CERS6: variants seen among roughly 807,000 people sequenced by gnomAD.
The protein encoded by CERS6 is LAG1 homolog, ceramide synthase 6.
In CERS6, 26 loss-of-function variants were observed where a neutral mutation model predicts 56.8. The ratio of observed to expected loss-of-function variants is 0.46; its 90% confidence interval spans 0.34 to 0.63. The LOEUF is 0.63. Ranked by LOEUF, CERS6 falls within the 30% of genes least tolerant of loss-of-function variation. CERS6 has a pLI of 0.01. For synonymous variants in CERS6, 164 were observed against 173.3 expected, an observed-to-expected ratio of 0.95 and a Z score of 0.42; for missense variants, 415 against 467.5, an observed-to-expected ratio of 0.89 and a Z score of 1.04.
At chr2:168,636,352 T>C (rs1003303243) in intron 4 of CERS6, among the ~76,000 whole-genome samples, 5 of 152,202 alleles carry the variant, frequency 3.3e-5, no homozygotes, top group Non-Finnish European at 4.4e-5. Flanking sequence ...TAAGTAACTT[T>C]TTATTAGTAA....
chr2:168,498,889 G>T (rs1381612024), intron 1 of CERS6, among the ~76,000 whole-genome samples: 3 of 152,096 alleles, frequency 2.0e-5, no homozygotes, highest in Non-Finnish European at 4.4e-5. Flanking sequence ...AGTGAGGAGG[G>T]GGTATAATGA....
chr2:168,552,369 CA>C lies in CERS6; in HGVS notation c.276+4669del, dbSNP rs1213356436. Among the ~76,000 whole-genome samples the C allele has an allele frequency of 1.1e-4, 13 of 119,500 alleles. No homozygotes were observed. In the Admixed American group the frequency reaches 1.2e-3, roughly 11 times the overall value. The allele number at this position is 119,500 out of a possible 152,430, so 78.4% of individuals were successfully genotyped here. A position where few individuals can be genotyped will look rare whatever the true frequency, so the allele number is the denominator to read the frequency against. ...GAGTATACACACACACACACACACACACACACACACACACACACACACTACA... is the reference window on the plus strand; with the variant it reads ...GAGTATACACACACACACACACACACCACACACACACACACACACACTACA... On this transcript the variant is annotated intron_variant, in intron 2 of 9. Transcript: ENST00000305747.
chr2:168,553,579 T>C (rs1043121542), intron 2 of CERS6, among the ~76,000 whole-genome samples: 2 of 152,180 alleles, frequency 1.3e-5, no homozygotes. Flanking sequence ...ATTTTATATC[T>C]AGCCAAATTG....
chr2:168,663,784 T>C (rs1208426641), intron 4 of CERS6, among the ~76,000 whole-genome samples: 4 of 152,156 alleles, frequency 2.6e-5, no homozygotes, highest in Admixed American at 2.0e-4. Context: ...AAAAAATCTC[T>C]AAATTTTTCT....
chr2:168,561,387 A>G, intron 3 of CERS6, 65 bp downstream of exon 3: 1 of 1,594,358 alleles, frequency 6.3e-7, no homozygotes, highest in Non-Finnish European at 8.6e-7. Flanking sequence ...TGAGGTGAAA[A>G]ATAAAAGATC....
chr2:168,499,048 T>C (rs561130964), intron 1 of CERS6, among the ~76,000 whole-genome samples: 1 of 152,290 alleles, frequency 6.6e-6, no homozygotes, highest in Non-Finnish European at 1.5e-5. Flanking sequence ...CCCTTTTGGC[T>C]GAGATTTGTC....
intron 8 of CERS6, among the ~76,000 whole-genome samples, chr2:168,750,463 T>C (rs1684231114): frequency 6.6e-6 from 1 of 152,216 alleles, no homozygotes; most frequent in Non-Finnish European, 1.5e-5. Context: ...TTTTATGTGT[T>C]TAAAATTACA....
rs1163359229 is a variant in CERS6, at chr2:168,538,962, G to GTTT, written c.171-8615_171-8613dup. Among the ~76,000 whole-genome samples, 43 of 4,814 alleles carry GTTT rather than the reference G, an allele frequency of 8.9e-3. 9 individuals are homozygous for GTTT. Among genetic ancestry groups the GTTT allele is most frequent in the African/African-American group, 8.8e-3 (40 of 4,556 alleles). 3.2% of individuals were successfully genotyped at this position (4,814 alleles called of 152,430 possible). A position where few individuals can be genotyped will look rare whatever the true frequency, so the allele number is the denominator to read the frequency against. On this transcript the variant is annotated intron_variant, in intron 1 of 9. Transcript: ENST00000305747. ...TATTTTAGGGAGTGTGGAAAATATT[G>GTTT]TTTTTTTTTTTTTTTTTTTTTGAGA... is the stretch of plus-strand genomic sequence containing the variant.
intron 3 of CERS6, among the ~76,000 whole-genome samples, chr2:168,574,582 C>T (rs901613166): frequency 5.3e-5 from 8 of 152,104 alleles, no homozygotes; most frequent in African/African-American, 1.2e-4. Context: ...ACCTTAAAAA[C>T]CTGATAAAGT....
intron 6 of CERS6, among the ~76,000 whole-genome samples, chr2:168,701,934 G>C (rs1192323886): frequency 2.0e-5 from 3 of 152,074 alleles, no homozygotes; most frequent in African/African-American, 7.2e-5. Context: ...ATCATCTCTA[G>C]ATTACATAAT....
At chr2:168,750,253 G>A (rs1684223329) in intron 8 of CERS6, among the ~76,000 whole-genome samples, 1 of 152,006 alleles carries the variant, frequency 6.6e-6, no homozygotes, top group African/African-American at 2.4e-5. Context: ...GTTAATGCTT[G>A]GCTGTATGTT....
At chr2:168,648,816 G>T (rs7594042) in intron 4 of CERS6, among the ~76,000 whole-genome samples, 1 of 151,860 alleles carries the variant, frequency 6.6e-6, no homozygotes, top group African/African-American at 2.4e-5. Flanking sequence ...TTTTCTTAGT[G>T]TTGACTTCTG....
intron 2 of CERS6, among the ~76,000 whole-genome samples, chr2:168,556,501 AC>A (rs1695681408): frequency 6.6e-6 from 1 of 152,142 alleles, no homozygotes; most frequent in Non-Finnish European, 1.5e-5. Flanking sequence ...CTTGCCCCTT[AC>A]TTTCTATATC....
At chr2:168,657,293 G>A (rs1022414893) in intron 4 of CERS6, among the ~76,000 whole-genome samples, 4 of 152,240 alleles carry the variant, frequency 2.6e-5, no homozygotes, top group African/African-American at 9.6e-5. Context: ...AACACAGGGT[G>A]CTGATTGGTG....
Position 168,556,201 on chromosome 2 carries a change from A to G in CERS6, c.277-4991A>G, listed in dbSNP as rs146853557. Among the ~76,000 whole-genome samples the G allele has an allele frequency of 3.0e-3, 456 of 151,958 alleles. 3 individuals are homozygous for G. Among genetic ancestry groups the G allele is most frequent in the African/African-American group, 9.0e-3 (374 of 41,574 alleles). On this transcript the variant is annotated intron_variant, in intron 2 of 9. Coordinates refer to ENST00000305747, the MANE Select transcript of CERS6 (RefSeq NM_203463.3). ...ACATTAACATCAATGCCTGACAAAA[A>G]TTTCAATAAAAAACAAAAGCAAGAC...
At chr2:168,739,750 CTT>C (rs534593412) in intron 8 of CERS6, among the ~76,000 whole-genome samples, 2 of 146,316 alleles carry the variant, frequency 1.4e-5, no homozygotes, top group Non-Finnish European at 1.5e-5. Flanking sequence ...AAGAAAGGAA[CTT>C]TTTTTTTTTT....
chr2:168,566,318 A>G (rs1333009092), intron 3 of CERS6, among the ~76,000 whole-genome samples: 1 of 152,198 alleles, frequency 6.6e-6, no homozygotes, highest in Admixed American at 6.5e-5. Flanking sequence ...TGACAGCTTA[A>G]GATTCCCTTT....
intron 1 of CERS6, among the ~76,000 whole-genome samples, chr2:168,471,292 CTGT>C (rs1693973110): frequency 6.6e-6 from 1 of 152,216 alleles, no homozygotes; most frequent in Non-Finnish European, 1.5e-5. Flanking sequence ...ACCAGATGGT[CTGT>C]TGTTCTCACA....
At position 168,761,008 on chromosome 2, in the gene CERS6, C is replaced by T. The variant is rs553943223; in HGVS notation, c.846-4584C>T. On this transcript the variant is annotated intron_variant, in intron 8 of 9. Transcript: ENST00000305747. Reference sequence around the variant, plus strand: ...TCCTGACCTCGTGATCCGCCCGCCTCGGCCTCCCAAAGTGCTGGGATTATA... The same window carrying T: ...TCCTGACCTCGTGATCCGCCCGCCTTGGCCTCCCAAAGTGCTGGGATTATA... Among the ~76,000 whole-genome samples the T allele has an allele frequency of 3.3e-5, 5 of 152,242 alleles. No individual in the cohort carries two copies. The East Asian group carries it at 7.7e-4, about 24-fold the overall frequency.
Sources: gnomAD v4.1 joint callset for allele counts (sites outside exome capture counted in the v4.1 genomes callset) on GRCh38, gnomAD v4.1.1 for gene constraint, MANE v1.5 for transcripts, NCBI Gene and HGNC (gene_info 2026-07-23, HGNC 2026-07-21) for gene names.